SGMS1: variants seen among roughly 807,000 people sequenced by gnomAD.
SGMS1 encodes phosphatidylcholine:ceramide cholinephosphotransferase 1.
SGMS1 carries 13 observed loss-of-function variants against 46.2 expected under a neutral mutation model. That is an observed-to-expected ratio of 0.28 (90% CI 0.18 to 0.45). SGMS1 has a LOEUF of 0.45. Ranked by LOEUF, SGMS1 falls within the 20% of genes least tolerant of loss-of-function variation. The probability of loss-of-function intolerance (pLI) is 1.00; values close to 1 mark genes in which losing one functional copy is unlikely to be tolerated. For missense variants in SGMS1, 324 were observed against 519.9 expected, an observed-to-expected ratio of 0.62 and a Z score of 3.66; for synonymous variants, 203 against 187.8, an observed-to-expected ratio of 1.08 and a Z score of -0.66.
chr10:50,559,425 T>C (rs1838215218), intron 2 of SGMS1, among the ~76,000 whole-genome samples: 1 of 152,158 alleles, frequency 6.6e-6, no homozygotes, highest in Non-Finnish European at 1.5e-5. Flanking sequence ...CCATATACAA[T>C]AGATACTCAT....
chr10:50,307,850 C>G lies in SGMS1; in HGVS notation c.1062+132G>C. On this transcript the variant is annotated intron_variant, in intron 10 of 10. Transcript: ENST00000361781. The surrounding 1 kb of genome is among the most constrained non-coding windows in gnomAD (Gnocchi z 4.2). ...GAAGAGAATCAATGTCACAAAAAAA[C>G]AATACAATCTTAGTTGATTACTACT... 1.2e-6 allele frequency: 1 copy of G among 809,314 alleles called. No homozygotes were observed. 50.1% of individuals were successfully genotyped at this position (809,314 alleles called of 1,614,324 possible).
intron 4 of SGMS1, among the ~76,000 whole-genome samples, chr10:50,461,615 T>C (rs2133686222): frequency 6.6e-6 from 1 of 152,294 alleles, no homozygotes; most frequent in Middle Eastern, 3.4e-3. Context: ...TGATGAAAAC[T>C]AAGCCTGTTC....
chr10:50,529,245 C>A (rs1837930817), intron 2 of SGMS1, among the ~76,000 whole-genome samples: 1 of 152,286 alleles, frequency 6.6e-6, no homozygotes, highest in Non-Finnish European at 1.5e-5. Flanking sequence ...TGTCACCTGT[C>A]CTTAAGAAAA....
chr10:50,382,042 T>C (rs180787967), intron 6 of SGMS1, among the ~76,000 whole-genome samples: 24 of 152,322 alleles, frequency 1.6e-4, no homozygotes, highest in African/African-American at 3.4e-4. Flanking sequence ...TCTGAGACTA[T>C]TGAGGTTGAA....
At chr10:50,428,775 G>C (rs1849362459) in intron 6 of SGMS1, among the ~76,000 whole-genome samples, 1 of 152,152 alleles carries the variant, frequency 6.6e-6, no homozygotes, top group African/African-American at 2.4e-5. Flanking sequence ...AATCCCAGAT[G>C]CTTCCTAAGA....
intron 7 of SGMS1, chr10:50,334,412 C>T (rs755398646): frequency 7.2e-5 from 11 of 152,072 alleles, no homozygotes; most frequent in Non-Finnish European, 1.5e-4. Context: ...CGTATACACA[C>T]CCAGATCTCC....
chr10:50,411,222 G>T (rs1849094135), intron 6 of SGMS1, among the ~76,000 whole-genome samples: 1 of 152,096 alleles, frequency 6.6e-6, no homozygotes, highest in Admixed American at 6.5e-5. Flanking sequence ...TGTATTTAAA[G>T]AATTCATTGA....
At chr10:50,549,527 T>C (rs1235873019) in intron 2 of SGMS1, among the ~76,000 whole-genome samples, 2 of 151,934 alleles carry the variant, frequency 1.3e-5, no homozygotes, top group Non-Finnish European at 2.9e-5. Flanking sequence ...ACAACACATA[T>C]TGGGGCCTGC....
At chr10:50,599,009 C>G (rs1258924957) in intron 1 of SGMS1, among the ~76,000 whole-genome samples, 1 of 152,038 alleles carries the variant, frequency 6.6e-6, no homozygotes, top group Admixed American at 6.5e-5. Flanking sequence ...ATGAAAGTAG[C>G]CAATAGCAGA....
intron 2 of SGMS1, among the ~76,000 whole-genome samples, chr10:50,584,907 T>C (rs1838468423): frequency 1.3e-5 from 2 of 152,204 alleles, no homozygotes; most frequent in African/African-American, 4.8e-5. Context: ...GGTTCACTGA[T>C]ATGGTTTGAC....
intron 2 of SGMS1, among the ~76,000 whole-genome samples, chr10:50,575,178 T>G (rs1838372896): frequency 6.6e-6 from 1 of 151,760 alleles, no homozygotes; most frequent in African/African-American, 2.4e-5. Context: ...ACAAAATGAG[T>G]AAGTTCCATA....
intron 2 of SGMS1, among the ~76,000 whole-genome samples, chr10:50,546,021 A>G: frequency 6.6e-6 from 1 of 152,214 alleles, no homozygotes; most frequent in Admixed American, 6.5e-5. Context: ...CTGGAACCAC[A>G]GGCCAGCTTT....
intron 1 of SGMS1, among the ~76,000 whole-genome samples, chr10:50,620,093 C>A (rs577185677): frequency 6.6e-6 from 1 of 152,328 alleles, no homozygotes; most frequent in East Asian, 1.9e-4. Context: ...TTTACTGAAT[C>A]CAGAAGTCAG....
At chr10:50,444,781 T>C (rs1433416182) in intron 5 of SGMS1, among the ~76,000 whole-genome samples, 1 of 151,956 alleles carries the variant, frequency 6.6e-6, no homozygotes, top group Admixed American at 6.6e-5. Flanking sequence ...GCTAAAACTA[T>C]AAAGTATTTT....
chr10:50,601,703 T>A (rs1477666515), intron 1 of SGMS1, among the ~76,000 whole-genome samples: 1 of 152,186 alleles, frequency 6.6e-6, no homozygotes, highest in East Asian at 1.9e-4. Context: ...ACACTACTCA[T>A]CAGATGTAGT....
chr10:50,462,330 ATATGGTT>A (rs1837275370), intron 4 of SGMS1, among the ~76,000 whole-genome samples: 1 of 152,184 alleles, frequency 6.6e-6, no homozygotes, highest in African/African-American at 2.4e-5. Context: ...TAATACCAAC[ATATGGTT>A]TATAAACCCA....
At chr10:50,553,025 G>C (rs1838161319) in intron 2 of SGMS1, among the ~76,000 whole-genome samples, 1 of 152,184 alleles carries the variant, frequency 6.6e-6, no homozygotes, top group East Asian at 1.9e-4. Context: ...CCAATGCCTT[G>C]ATTAAGTCAC....
intron 6 of SGMS1, among the ~76,000 whole-genome samples, chr10:50,393,870 GCC>G (rs1231514199): frequency 6.6e-6 from 1 of 152,198 alleles, no homozygotes; most frequent in East Asian, 1.9e-4. Flanking sequence ...AAAGGTCCAA[GCC>G]CCAACCAAGG....
At chr10:50,454,107 T>C (rs1049618115) in intron 5 of SGMS1, among the ~76,000 whole-genome samples, 12 of 148,852 alleles carry the variant, frequency 8.1e-5, no homozygotes, top group Non-Finnish European at 1.8e-4. Flanking sequence ...GATAGCAGCT[T>C]GACCAAAAGC....
Sources: gnomAD v4.1 joint callset for allele counts (sites outside exome capture counted in the v4.1 genomes callset) on GRCh38, gnomAD v4.1.1 for gene constraint, Gnocchi (gnomAD v3.1) non-coding constraint, MANE v1.5 for transcripts, NCBI Gene and HGNC (gene_info 2026-07-23, HGNC 2026-07-21) for gene names.